The following TLN1 variants were observed in gnomAD, a reference collection of about 807,000 sequenced individuals.
TLN1 encodes the protein talin-1.
A neutral mutation model predicts 292.3 loss-of-function variants in TLN1; 56 were observed. That is an observed-to-expected ratio of 0.19 (90% confidence interval 0.15 to 0.24). The LOEUF (loss-of-function observed/expected upper bound fraction) is 0.24, where lower values mean the gene tolerates loss of function less well. Among genes scored for constraint, TLN1 ranks in the 10% least tolerant of loss-of-function variants. TLN1 has a pLI of 1.00. For missense variants in TLN1, 2,433 were observed against 3,248.2 expected, an observed-to-expected ratio of 0.75 and a Z score of 6.10; for synonymous variants, 1,119 against 1,253.7, an observed-to-expected ratio of 0.89 and a Z score of 2.27.
chr9:35,700,491 A>C (rs1825447152), intron 48 of TLN1, 115 bp from the exon 49 acceptor site: 2 of 1,109,028 alleles, frequency 1.8e-6, no homozygotes. Context: ...TGAATGTAAC[A>C]AGGCAGTTGG....
chr9:35,729,497 G>A (rs1826032113), intron 1 of TLN1, among the ~76,000 whole-genome samples: 1 of 152,182 alleles, frequency 6.6e-6, no homozygotes, highest in Admixed American at 6.5e-5. Context: ...GAGGACAAAA[G>A]GAAGCCAAGG....
Position 35,713,059 on chromosome 9 carries a change from G to C in TLN1, c.3353-16C>G, listed in dbSNP as rs201390252. 2.5e-6 allele frequency: 4 copies of C among 1,590,080 alleles called. No homozygotes were observed. The Admixed American group carries it at 6.8e-5, about 27-fold the overall frequency. On this transcript the variant is annotated splice_polypyrimidine_tract_variant and intron_variant, in intron 26 of 56. Coordinates refer to ENST00000314888, the MANE Select transcript of TLN1 (RefSeq NM_006289.4). ...GCTGCAATACCTTGGGAGATGAGGAGAAAGAGGGAAGGGAAGGTGCTTTCA... is the reference window on the plus strand; with the variant it reads ...GCTGCAATACCTTGGGAGATGAGGACAAAGAGGGAAGGGAAGGTGCTTTCA...
intron 10 of TLN1, among the ~76,000 whole-genome samples, chr9:35,721,119 A>G (rs1247885953): frequency 2.0e-5 from 3 of 152,082 alleles, no homozygotes; most frequent in African/African-American, 7.2e-5. Flanking sequence ...TCTACACTAC[A>G]CAGTTTCAAA....
At chr9:35,725,871 A>C (rs758410940) in intron 1 of TLN1, 144 bp from the exon 2 acceptor site, 7 of 672,554 alleles carry the variant, frequency 1.0e-5, no homozygotes, top group Non-Finnish European at 1.4e-5. Flanking sequence ...GTATTTAATA[A>C]TTTTAAAGAG....
At position 35,714,078 on chromosome 9, in the gene TLN1, G is replaced by A; in HGVS notation, c.3124C>T (p.Gln1042Ter). ...ATCTCCAAAGGTCCACATGCTTCCT[G>A]AGCCTATGATAAGAAAGGGGTTTTG... ...AELRTAAQKA[Q>*]EACGPLEMDS... The change falls in exon 25 of 57, where the codon CAG becomes TAG. Residue 1042 changes from glutamine (Q) to a stop codon, truncating the protein, a stop_gained. Coordinates refer to ENST00000314888, the MANE Select transcript of TLN1 (RefSeq NM_006289.4). LOFTEE classifies it high-confidence loss of function. The surrounding 1 kb of genome is among the most constrained non-coding windows in gnomAD (Gnocchi z 4.6). 1 of 1,614,106 alleles carries A rather than the reference G, an allele frequency of 6.2e-7. No individual in the cohort carries two copies. The highest frequency in any genetic ancestry group is 1.7e-5 in the Admixed American group (1 of 60,020).
Position 35,720,115 on chromosome 9 carries a change from A to C in TLN1, c.1388T>G (p.Phe463Cys). 1 of 1,612,564 alleles carries C rather than the reference A, an allele frequency of 6.2e-7. No homozygotes were observed. Among genetic ancestry groups the C allele is most frequent in the Non-Finnish European group, 8.5e-7 (1 of 1,179,356 alleles). Residue 463 changes from phenylalanine (F) to cysteine (C), a missense_variant, in exon 13 of 57, where the codon TTC becomes TGC. By Grantham distance (205) the Phe-to-Cys change is radical. Transcript: ENST00000314888. The stretch of plus-strand genomic sequence containing the variant: ...GGCAGGGGGCATGCTGCCCACCTGG[A>C]AATTCTCAGGACCAGAGGCTCCAGA... ...MRSGASGPENFQVGSMPPAQQ... is the reference protein window; with the variant it reads ...MRSGASGPENCQVGSMPPAQQ...
rs1252194742 is a variant in TLN1 at position 35,711,275 on chromosome 9, A to C, written c.3999T>G (p.Ser1333Arg). ...CTTACCTGGCAGCTGCAGCCAGCTG[A>C]CTCTTGAGGTTAGGGGCAGCAGGGT... ...STDPAAPNLK[S>R]QLAAAARAVT... The change falls in exon 30 of 57, where the codon AGT becomes AGG. Residue 1333 changes from serine to arginine, a missense_variant. Physicochemically the swap from Ser to Arg is moderately radical, Grantham distance 110. Around this residue, in one of 7 missense-constraint regions of TLN1, gnomAD observed 1,384 missense variants for 1,699.6 expected, o/e 0.81. Coordinates refer to ENST00000314888, the MANE Select transcript of TLN1 (RefSeq NM_006289.4). 1.2e-6 allele frequency: 2 copies of C among 1,613,992 alleles called. No homozygotes were observed. Among genetic ancestry groups the C allele is most frequent in the East Asian group, 2.2e-5 (1 of 44,872 alleles).
chr9:35,724,816 C>A lies in TLN1; in HGVS notation c.358+14G>T. The A allele has an allele frequency of 2.5e-6, 4 of 1,614,106 alleles. No homozygotes were observed. The highest frequency in any genetic ancestry group is 3.4e-6 in the Non-Finnish European group (4 of 1,180,028). ...TTTCTGGCCCAGGCTTTCAACTGTA[C>A]TAGGGCCCCTTACCAATGCGGGCAC... is the stretch of plus-strand genomic sequence containing the variant. On this transcript the variant is annotated intron_variant, in intron 4 of 56. Coordinates refer to ENST00000314888, the MANE Select transcript of TLN1 (RefSeq NM_006289.4). The surrounding 1 kb of genome is among the most constrained non-coding windows in gnomAD (Gnocchi z 4.7).
Position 35,717,091 on chromosome 9 carries a change from T to C in TLN1, c.2458+55A>G, listed in dbSNP as rs1825798202. ...AGGTCCGCAAGGGGATGATGTCCAG[T>C]GGGCTTAGGGAACCCTGGTAGGGTT... is the stretch of plus-strand genomic sequence containing the variant. On this transcript the variant is annotated intron_variant, in intron 19 of 56. Coordinates refer to ENST00000314888, the MANE Select transcript of TLN1 (RefSeq NM_006289.4). The surrounding 1 kb of genome is among the most constrained non-coding windows in gnomAD (Gnocchi z 4.7). 6 of 1,540,688 alleles carry C rather than the reference T, an allele frequency of 3.9e-6. No homozygotes were observed. In the East Asian group the frequency reaches 9.1e-5, roughly 23 times the overall value.
Position 35,697,782 on chromosome 9 carries a change from G to C in TLN1, c.*9C>G. On this transcript the variant is annotated 3_prime_UTR_variant, in exon 57 of 57. Coordinates refer to ENST00000314888, the MANE Select transcript of TLN1 (RefSeq NM_006289.4). ...TGGGCCGGGTCTGCATTAAATAGAA[G>C]AGGCTTCTTTAGTGCTCATCTCGAA... is the stretch of plus-strand genomic sequence containing the variant. 1 of 1,613,892 alleles carries C rather than the reference G, an allele frequency of 6.2e-7. No individual in the cohort carries two copies.
chr9:35,709,013 T>C (rs769437531), intron 33 of TLN1, among the ~76,000 whole-genome samples: 1 of 152,250 alleles, frequency 6.6e-6, no homozygotes, highest in African/African-American at 2.4e-5. Flanking sequence ...CATCCTAATG[T>C]TTGATTCATA....
At chr9:35,705,066 G>A (rs1362315010) in intron 43 of TLN1, among the ~76,000 whole-genome samples, 2 of 152,204 alleles carry the variant, frequency 1.3e-5, no homozygotes, top group African/African-American at 4.8e-5. Flanking sequence ...GTGGGGAGAA[G>A]GGGAGGAGCA....
rs1413483904 is a variant in TLN1 at position 35,723,955 on chromosome 9, A to G, written c.779T>C (p.Leu260Pro). The change falls in exon 7 of 57, where the codon CTT (leucine) becomes CCT (proline). Residue 260 changes from leucine (L) to proline (P), a missense_variant. Leu to Pro is a moderately conservative substitution (Grantham distance 98). This residue lies in a region of TLN1 where 78 missense variants were observed against 88.8 expected (regional missense o/e 0.88). Coordinates refer to ENST00000314888, the MANE Select transcript of TLN1 (RefSeq NM_006289.4). ...GTATAGGATGTGGGTCACTCACTCA[A>G]GGAAGCCAGCCTTGTGCTTCTGCTC... ...HNEQKHKAGFLDLKDFLPKEY... is the reference protein window; with the variant it reads ...HNEQKHKAGFPDLKDFLPKEY... 6.2e-7 allele frequency: 1 copy of G among 1,614,108 alleles called. No homozygotes were observed. Among genetic ancestry groups the G allele is most frequent in the Non-Finnish European group, 8.5e-7 (1 of 1,179,976 alleles).
rs1825594913 is a variant in TLN1 at position 35,707,951 on chromosome 9, G to A, written c.4471-59C>T. On this transcript the variant is annotated intron_variant, in intron 34 of 56. Transcript: ENST00000314888. This position sits in a 1 kb window ranked among gnomAD's most constrained non-coding sequence, Gnocchi z 5.6. ...CAGGAAGGAGGTGTACATACCCAAG[G>A]AGGAGCCATTTTAGGGTCAGGGGAT... The A allele has an allele frequency of 1.3e-6, 2 of 1,585,014 alleles. No homozygotes were observed. The highest frequency in any genetic ancestry group is 1.7e-5 in the Admixed American group (1 of 58,540).
intron 48 of TLN1, among the ~76,000 whole-genome samples, chr9:35,702,595 C>T (rs1203241289): frequency 6.6e-6 from 1 of 152,008 alleles, no homozygotes; most frequent in African/African-American, 2.4e-5. Flanking sequence ...CGGGTTCCAG[C>T]GATTCTCCTG....
Position 35,699,749 on chromosome 9 carries a change from G to A in TLN1, c.6768+225C>T. On this transcript the variant is annotated intron_variant, in intron 50 of 56. Transcript: ENST00000314888. The surrounding 1 kb of genome is among the most constrained non-coding windows in gnomAD (Gnocchi z 4.0). Reference sequence around the variant, plus strand: ...GGGGTGGTCAGGTGGGAAGGGAGGAGAAAAGAAAAAGAGGAAGAGGAAGAG... The same window carrying A: ...GGGGTGGTCAGGTGGGAAGGGAGGAAAAAAGAAAAAGAGGAAGAGGAAGAG... 1.1e-6 allele frequency: 1 copy of A among 943,482 alleles called. No homozygotes were observed. 58.4% of individuals were successfully genotyped at this position (943,482 alleles called of 1,614,324 possible).
In TLN1 at chr9:35,724,370, C is replaced by G. The variant is rs1285409205; in HGVS notation, c.512-36G>C. 2.5e-6 allele frequency: 4 copies of G among 1,613,024 alleles called. No individual in the cohort carries two copies. In the South Asian group the frequency reaches 3.3e-5, roughly 13 times the overall value. The stretch of plus-strand genomic sequence containing the variant: ...GACAGTCCCCTCAGTGCCAAACCCC[C>G]ATGGCCCCTGTGCTGTCTGGTCTCT... On this transcript the variant is annotated intron_variant, in intron 5 of 56. Transcript: ENST00000314888. The surrounding 1 kb of genome is among the most constrained non-coding windows in gnomAD (Gnocchi z 4.7).
chr9:35,722,032 G>C, intron 9 of TLN1, 87 bp downstream of exon 9: 1 of 1,332,880 alleles, frequency 7.5e-7, no homozygotes, highest in Non-Finnish European at 1.1e-6. Context: ...TGGGAGATGT[G>C]ACTGAGGGCA....
Position 35,717,460 on chromosome 9 carries a change from CAG to C in TLN1, c.2164-22_2164-21del. 6.2e-7 allele frequency: 1 copy of C among 1,605,324 alleles called. No individual in the cohort carries two copies. Among genetic ancestry groups the C allele is most frequent in the Middle Eastern group, 1.7e-4 (1 of 6,034 alleles). On this transcript the variant is annotated intron_variant, in intron 18 of 56. Coordinates refer to ENST00000314888, the MANE Select transcript of TLN1 (RefSeq NM_006289.4). This position sits in a 1 kb window ranked among gnomAD's most constrained non-coding sequence, Gnocchi z 4.7. ...CACCACCTGTAGGTAAAGTGAATGTCAGAGACGTAGGCAAGGGAAAGGAGGTA... is the reference window on the plus strand; with the variant it reads ...CACCACCTGTAGGTAAAGTGAATGTCAGACGTAGGCAAGGGAAAGGAGGTA...
Sources: gnomAD v4.1 joint callset for allele counts (sites outside exome capture counted in the v4.1 genomes callset) on GRCh38, gnomAD v4.1.1 for gene constraint, gnomAD v4.1.1 regional missense constraint, Gnocchi (gnomAD v3.1) non-coding constraint, MANE v1.5 for transcripts, NCBI Gene and HGNC (gene_info 2026-07-23, HGNC 2026-07-21) for gene names.